Variants in RSF1 observed in about 807,000 individuals in gnomAD.
The protein encoded by RSF1 is HBV pX-associated protein 8.
A neutral mutation model predicts 145.2 loss-of-function variants in RSF1; 13 were observed. The ratio of observed to expected loss-of-function variants is 0.09; its 90% confidence interval spans 0.06 to 0.14. The LOEUF is 0.14. Ranked by LOEUF, RSF1 falls within the 10% of genes least tolerant of loss-of-function variation. RSF1 has a pLI of 1.00. For synonymous variants in RSF1, 577 were observed against 592.6 expected (o/e 0.97, Z 0.38); for missense variants, 1,517 against 1,718.2 (o/e 0.88, Z 2.07).
intron 11 of RSF1, among the ~76,000 whole-genome samples, chr11:77,683,431 C>A (rs574010403): frequency 6.7e-6 from 1 of 149,460 alleles, no homozygotes; most frequent in African/African-American, 2.5e-5. Flanking sequence ...AGGCCGGGCG[C>A]GGTGGCTCAT....
chr11:77,813,241 C>G (rs1377921886), intron 1 of RSF1: 9 of 568,854 alleles, frequency 1.6e-5, no homozygotes, highest in Non-Finnish European at 2.5e-5. Context: ...TGAAAGTAGT[C>G]TAATGATGAA....
At chr11:77,770,879 C>T (rs1461324211) in intron 1 of RSF1, among the ~76,000 whole-genome samples, 1 of 152,146 alleles carries the variant, frequency 6.6e-6, no homozygotes, top group Non-Finnish European at 1.5e-5. Flanking sequence ...GAGACAAGGC[C>T]TCTATAAGAT....
rs1289964959 is a variant in RSF1, at chr11:77,664,466, TA to T, written c.*2450del. 1 of 152,120 alleles carries T rather than the reference TA, an allele frequency of 6.6e-6. No individual in the cohort carries two copies. The highest frequency in any genetic ancestry group is 2.4e-5 in the African/African-American group (1 of 41,428). The allele number at this position is 152,120 out of a possible 1,614,324, so 9.4% of individuals were successfully genotyped here. ...CCTTAGGCTTTCTATAGTAGAAGAGTAAAAATAACTCCTTATTTCACATTAG... is the reference window on the plus strand; with the variant it reads ...CCTTAGGCTTTCTATAGTAGAAGAGTAAAATAACTCCTTATTTCACATTAG... On this transcript the variant is annotated 3_prime_UTR_variant, in exon 16 of 16. Transcript: ENST00000308488.
chr11:77,712,266 G>A (rs1960705995), intron 5 of RSF1, among the ~76,000 whole-genome samples: 1 of 152,144 alleles, frequency 6.6e-6, no homozygotes. Flanking sequence ...TTATAAATGG[G>A]AGTTCCCCTG....
rs114821145 is a variant in RSF1, at chr11:77,759,918, T to C, written c.279+4680A>G. ...ATAAGCTGTCAAATGTTATCTATTA[T>C]CATTATTATTAAAAAGTTATAAAGA... is the stretch of plus-strand genomic sequence containing the variant. On this transcript the variant is annotated intron_variant, in intron 2 of 15. Coordinates refer to ENST00000308488, the MANE Select transcript of RSF1 (RefSeq NM_016578.4). Among the ~76,000 whole-genome samples, 67 of 150,460 alleles carry C rather than the reference T, an allele frequency of 4.5e-4. 1 individual carries two copies. The highest frequency in any genetic ancestry group is 1.5e-3 in the African/African-American group (63 of 41,052).
chr11:77,735,810 G>GGTT (rs1221170395), intron 4 of RSF1, among the ~76,000 whole-genome samples: 1 of 152,148 alleles, frequency 6.6e-6, no homozygotes, highest in East Asian at 1.9e-4. Context: ...CGCAATCTTG[G>GGTT]CTCACTGCAA....
intron 1 of RSF1, among the ~76,000 whole-genome samples, chr11:77,795,275 A>C (rs927840929): frequency 6.6e-6 from 1 of 152,040 alleles, no homozygotes. Flanking sequence ...TGCTCAAAGC[A>C]ATCTACAGAT....
intron 5 of RSF1, among the ~76,000 whole-genome samples, chr11:77,710,209 A>T (rs1037486792): frequency 1.3e-5 from 2 of 152,162 alleles, no homozygotes; most frequent in African/African-American, 4.8e-5. Flanking sequence ...ACACAAAATG[A>T]TGTTTTGAAA....
At chr11:77,784,850 A>T (rs11825573) in intron 1 of RSF1, among the ~76,000 whole-genome samples, 1 of 152,044 alleles carries the variant, frequency 6.6e-6, no homozygotes, top group Non-Finnish European at 1.5e-5. Flanking sequence ...CTGGATGTTC[A>T]GTGCCTAGCG....
At chr11:77,826,513 G>A in the RSF1 span, among the ~76,000 whole-genome samples, 1 of 152,160 alleles carries the variant, frequency 6.6e-6, no homozygotes, top group African/African-American at 2.4e-5. Context: ...ATATTCACTT[G>A]TATGAACCAG....
chr11:77,853,689 C>T, the RSF1 span, among the ~76,000 whole-genome samples: 1 of 152,102 alleles, frequency 6.6e-6, no homozygotes, highest in Non-Finnish European at 1.5e-5. Flanking sequence ...CCCTGTAATC[C>T]CAGCACTTTG....
rs986864463 is a variant in RSF1 at position 77,662,770 on chromosome 11, A to G, written c.*4147T>C. 1 of 152,174 alleles carries G rather than the reference A, an allele frequency of 6.6e-6. No homozygotes were observed. The highest frequency in any genetic ancestry group is 1.5e-5 in the Non-Finnish European group (1 of 68,010). The allele number at this position is 152,174 out of a possible 1,614,324, so 9.4% of individuals were successfully genotyped here. A position where few individuals can be genotyped will look rare whatever the true frequency, so the allele number is the denominator to read the frequency against. ...TTAATCTGAGAAGATTCAATAATGG[A>G]TCATATTAAGCAGAAGAGGGCTAGG... On this transcript the variant is annotated 3_prime_UTR_variant, in exon 16 of 16. Coordinates refer to ENST00000308488, the MANE Select transcript of RSF1 (RefSeq NM_016578.4).
At chr11:77,691,516 G>C in intron 8 of RSF1, 1 of 388,482 alleles carries the variant, frequency 2.6e-6, no homozygotes, top group Non-Finnish European at 4.7e-6. Context: ...GTTTAAAACA[G>C]CATTTGGTTC....
At chr11:77,804,214 G>T (rs760789997) in intron 1 of RSF1, among the ~76,000 whole-genome samples, 6 of 152,210 alleles carry the variant, frequency 3.9e-5, no homozygotes, top group Non-Finnish European at 8.8e-5. Flanking sequence ...TGCCCTATGG[G>T]TCTTTTCATC....
chr11:77,814,242 A>G (rs897602937), intron 1 of RSF1, among the ~76,000 whole-genome samples: 11 of 151,292 alleles, frequency 7.3e-5, no homozygotes, highest in African/African-American at 2.4e-4. Flanking sequence ...TCATGCCTGT[A>G]ACCCCAGCAC....
chr11:77,852,729 A>G, the RSF1 span, among the ~76,000 whole-genome samples: 1 of 152,192 alleles, frequency 6.6e-6, no homozygotes, highest in South Asian at 2.1e-4. Context: ...GGAAAAAATA[A>G]GCAAATACAA....
intron 15 of RSF1, among the ~76,000 whole-genome samples, chr11:77,671,212 C>CTA (rs1238584403): frequency 1.9e-5 from 2 of 106,712 alleles, no homozygotes; most frequent in African/African-American, 3.6e-5. Flanking sequence ...TATATATACA[C>CTA]TATATATATA....
Position 77,815,389 on chromosome 11 carries a change from C to A in RSF1, c.187+5139G>T, listed in dbSNP as rs188252597. 3.1e-4 allele frequency among the ~76,000 whole-genome samples: 47 copies of A among 151,950 alleles called. No individual in the cohort carries two copies. In the East Asian group the frequency reaches 9.1e-3, roughly 29 times the overall value. ...TCTACTCTACAATAAAAACAGAAAACAAACAAAAAAAGCCAAGCATAATAT... is the reference window on the plus strand; with the variant it reads ...TCTACTCTACAATAAAAACAGAAAAAAAACAAAAAAAGCCAAGCATAATAT... On this transcript the variant is annotated intron_variant, in intron 1 of 15. Coordinates refer to ENST00000308488, the MANE Select transcript of RSF1 (RefSeq NM_016578.4).
At chr11:77,838,578 T>C in the RSF1 span, among the ~76,000 whole-genome samples, 5 of 152,184 alleles carry the variant, frequency 3.3e-5, no homozygotes, top group East Asian at 1.9e-4. Context: ...AGTCATCTGC[T>C]TCTGTTTCTC....
Sources: allele counts gnomAD v4.1 joint callset (sites outside exome capture counted in the v4.1 genomes callset), GRCh38; gene constraint gnomAD v4.1.1; transcripts MANE v1.5; gene names NCBI Gene and HGNC (gene_info 2026-07-23, HGNC 2026-07-21).